SRPK2: variants seen among roughly 807,000 people sequenced by gnomAD.
SRPK2 encodes SFRS protein kinase 2.
Under a neutral mutation model 90.8 loss-of-function variants are expected in SRPK2, and 21 were observed. The observed-to-expected ratio is 0.23, with a 90% CI of 0.16 to 0.33. The LOEUF is 0.33. Among genes scored for constraint, SRPK2 ranks in the 10% least tolerant of loss-of-function variants. The pLI, the probability that SRPK2 is intolerant of heterozygous loss-of-function variation, is 1.00. For synonymous variants in SRPK2, 288 were observed against 311.1 expected, an observed-to-expected ratio of 0.93 and a Z score of 0.78; for missense variants, 620 against 869.0, an observed-to-expected ratio of 0.71 and a Z score of 3.60.
chr7:105,280,859 A>G (rs993756175), intron 2 of SRPK2, among the ~76,000 whole-genome samples: 6 of 142,648 alleles, frequency 4.2e-5, no homozygotes, highest in Non-Finnish European at 9.1e-5. Flanking sequence ...ACGCAGGAGA[A>G]TGGCGTGAAC....
intron 2 of SRPK2, among the ~76,000 whole-genome samples, chr7:105,263,125 C>T (rs10953472): frequency 0.045 from 6,840 of 152,128 alleles, 544 homozygotes; most frequent in East Asian, 0.39. Context: ...GAGTTTGAGA[C>T]CAGCCTGGCC....
rs1479878382 is a variant in SRPK2 at position 105,231,912 on chromosome 7, T to C, written c.72-28127A>G. Reference sequence around the variant, plus strand: ...TCACTCTGTCACCTAGTCTGGAGTCTAGTGGTGTGATCATAACTCACTGTA... The same window carrying C: ...TCACTCTGTCACCTAGTCTGGAGTCCAGTGGTGTGATCATAACTCACTGTA... On this transcript the variant is annotated intron_variant, in intron 2 of 15. Coordinates refer to ENST00000393651, the MANE Select transcript of SRPK2 (RefSeq NM_182692.3). Among the ~76,000 whole-genome samples, 4 of 152,330 alleles carry C rather than the reference T, an allele frequency of 2.6e-5. No individual in the cohort carries two copies. In the South Asian group the frequency reaches 6.2e-4, roughly 24 times the overall value.
At chr7:105,209,987 A>G (rs1414073644) in intron 2 of SRPK2, among the ~76,000 whole-genome samples, 2 of 152,328 alleles carry the variant, frequency 1.3e-5, no homozygotes, top group South Asian at 2.1e-4. Flanking sequence ...ACTTCATACT[A>G]TATTCTGCAT....
chr7:105,183,974 A>ATTTTTTTT (rs57622134), intron 3 of SRPK2, among the ~76,000 whole-genome samples: 3 of 116,278 alleles, frequency 2.6e-5, no homozygotes, highest in African/African-American at 3.4e-5. Flanking sequence ...ACTATTACCA[A>ATTTTTTTT]TTTTTTTTTT....
chr7:105,343,593 AC>A (rs1210763831), intron 2 of SRPK2, among the ~76,000 whole-genome samples: 1 of 152,180 alleles, frequency 6.6e-6, no homozygotes, highest in Non-Finnish European at 1.5e-5. Context: ...TTAGCAAAGA[AC>A]CCTTGTTCAT....
chr7:105,359,310 C>G (rs1818167787), intron 2 of SRPK2, among the ~76,000 whole-genome samples: 1 of 151,968 alleles, frequency 6.6e-6, no homozygotes, highest in Non-Finnish European at 1.5e-5. Flanking sequence ...AAGCGCATGC[C>G]ACCATGTCCA....
chr7:105,301,804 C>G (rs1810586270), intron 2 of SRPK2: 1 of 1,564,402 alleles, frequency 6.4e-7, no homozygotes, highest in Admixed American at 1.7e-5. Context: ...CTTGGAACCG[C>G]TATGACCTGT....
At chr7:105,226,515 C>A (rs1047235465) in intron 2 of SRPK2, among the ~76,000 whole-genome samples, 1 of 152,026 alleles carries the variant, frequency 6.6e-6, no homozygotes, top group African/African-American at 2.4e-5. Flanking sequence ...GGTCTTAGAA[C>A]TCCTGACCTC....
At chr7:105,327,902 G>A (rs560938720) in intron 2 of SRPK2, among the ~76,000 whole-genome samples, 14 of 152,152 alleles carry the variant, frequency 9.2e-5, no homozygotes, top group African/African-American at 3.1e-4. Context: ...GCAGGTTCAC[G>A]CCATTCTCCT....
intron 2 of SRPK2, among the ~76,000 whole-genome samples, chr7:105,299,825 C>T (rs1292284634): frequency 3.3e-5 from 5 of 152,152 alleles, no homozygotes; most frequent in African/African-American, 9.6e-5. Flanking sequence ...ACCCAGGCGG[C>T]GTAAGTTGCA....
chr7:105,318,305 G>A (rs1290605750), intron 2 of SRPK2, among the ~76,000 whole-genome samples: 3 of 151,886 alleles, frequency 2.0e-5, no homozygotes, highest in Non-Finnish European at 2.9e-5. Flanking sequence ...ATGTTGGCCA[G>A]GCTGGTCTCG....
At chr7:105,328,957 G>A (rs1813943134) in intron 2 of SRPK2, among the ~76,000 whole-genome samples, 2 of 151,974 alleles carry the variant, frequency 1.3e-5, no homozygotes, top group Admixed American at 1.3e-4. Context: ...GACGTGGGAG[G>A]ATCACCTGAG....
intron 15 of SRPK2, among the ~76,000 whole-genome samples, chr7:105,120,653 TAA>T (rs202070803): frequency 8.5e-5 from 12 of 141,150 alleles, no homozygotes; most frequent in Non-Finnish European, 1.2e-4. Context: ...GAACCGCCTC[TAA>T]AAAAAAAAAA....
chr7:105,280,172 T>C (rs1807074625), intron 2 of SRPK2, among the ~76,000 whole-genome samples: 1 of 152,166 alleles, frequency 6.6e-6, no homozygotes, highest in Non-Finnish European at 1.5e-5. Flanking sequence ...CCCAGTACTT[T>C]GGGAGGCTGA....
chr7:105,263,875 TTGAG>T (rs1468370753), intron 2 of SRPK2, among the ~76,000 whole-genome samples: 1 of 152,040 alleles, frequency 6.6e-6, no homozygotes, highest in Non-Finnish European at 1.5e-5. Context: ...AAATAAAGAA[TTGAG>T]TGATGAGAAG....
At chr7:105,305,395 G>A (rs777176093) in intron 2 of SRPK2, among the ~76,000 whole-genome samples, 73 of 145,294 alleles carry the variant, frequency 5.0e-4, no homozygotes, top group Non-Finnish European at 6.0e-4. Context: ...GCAGTGAGCC[G>A]AGACTGTGCC....
chr7:105,206,891 T>C (rs1796295556), intron 2 of SRPK2, among the ~76,000 whole-genome samples: 2 of 152,252 alleles, frequency 1.3e-5, no homozygotes, highest in African/African-American at 2.4e-5. Context: ...CAGCCTCACG[T>C]TGAGAGATTC....
chr7:105,357,291 G>A (rs1031343913), intron 2 of SRPK2, among the ~76,000 whole-genome samples: 13 of 151,896 alleles, frequency 8.6e-5, no homozygotes, highest in Non-Finnish European at 5.9e-5. Flanking sequence ...CGCCTGCCTC[G>A]GCCTCCCAAA....
intron 2 of SRPK2, among the ~76,000 whole-genome samples, chr7:105,344,840 T>TTA (rs1816266825): frequency 7.1e-6 from 1 of 141,336 alleles, no homozygotes; most frequent in Non-Finnish European, 1.5e-5. Flanking sequence ...CACTCACACT[T>TTA]AAAAAAAAAA....
Sources: gnomAD v4.1 joint callset for allele counts (sites outside exome capture counted in the v4.1 genomes callset) on GRCh38, gnomAD v4.1.1 for gene constraint, MANE v1.5 for transcripts, NCBI Gene and HGNC (gene_info 2026-07-23, HGNC 2026-07-21) for gene names.